TSPAN11: variants seen among roughly 807,000 people sequenced by gnomAD.
TSPAN11 encodes tetraspanin-11.
TSPAN11 carries 29 observed loss-of-function variants against 32.9 expected under a neutral mutation model. That is an observed-to-expected ratio of 0.88 (90% confidence interval 0.66 to 1.20). The LOEUF (loss-of-function observed/expected upper bound fraction) is 1.20. TSPAN11 is among the 50% of genes most tolerant of loss of function. TSPAN11 has a pLI of 0.00. For missense variants in TSPAN11, 283 were observed against 329.1 expected (o/e 0.86, Z 1.08); for synonymous variants, 140 against 141.3 (o/e 0.99, Z 0.07).
At chr12:30,978,459 G>C (rs569104165) in intron 3 of TSPAN11, 102 bp from the exon 4 acceptor site, 1 of 1,138,404 alleles carries the variant, frequency 8.8e-7, no homozygotes. Flanking sequence ...TGGATGATAG[G>C]GGTCCCAGCA....
At chr12:30,930,284 C>G (rs890003001) in intron 1 of TSPAN11, among the ~76,000 whole-genome samples, 5 of 152,130 alleles carry the variant, frequency 3.3e-5, no homozygotes, top group African/African-American at 1.2e-4. Context: ...CATTAAGGAC[C>G]CAGCCCCCGA....
At chr12:30,965,286 C>T (rs1021270580) in intron 3 of TSPAN11, among the ~76,000 whole-genome samples, 5 of 152,222 alleles carry the variant, frequency 3.3e-5, no homozygotes, top group African/African-American at 1.2e-4. Context: ...GGGCCTTCAG[C>T]CTAGCCTCAG....
chr12:30,985,250 GTTATACC>G (rs1419219877), intron 7 of TSPAN11, among the ~76,000 whole-genome samples: 1 of 152,064 alleles, frequency 6.6e-6, no homozygotes, highest in Non-Finnish European at 1.5e-5. Context: ...AATGGGGCTA[GTTATACC>G]TTATCTGCTT....
At chr12:31,010,250 A>T in the TSPAN11 span, among the ~76,000 whole-genome samples, 1 of 152,208 alleles carries the variant, frequency 6.6e-6, no homozygotes, top group African/African-American at 2.4e-5. Context: ...CCCGGGGTCA[A>T]ATTCTGATGC....
intron 3 of TSPAN11, among the ~76,000 whole-genome samples, chr12:30,966,692 A>G (rs148233819): frequency 3.6e-3 from 544 of 152,348 alleles, no homozygotes; most frequent in Admixed American, 5.1e-3. Context: ...GGATGTGTGC[A>G]GGGCACACCC....
the TSPAN11 span, among the ~76,000 whole-genome samples, chr12:31,013,859 G>A: frequency 1.3e-5 from 2 of 152,158 alleles, no homozygotes; most frequent in Non-Finnish European, 1.5e-5. Context: ...GGTACATGCA[G>A]CCACTCAGCA....
At chr12:31,000,772 G>A (rs142773004), downstream of TSPAN11, among the ~76,000 whole-genome samples, 109 of 152,310 alleles carry the variant, frequency 7.2e-4, 1 homozygote, top group Admixed American at 1.2e-3. Flanking sequence ...AAAAGAAGAC[G>A]TTTAATTACA....
At chr12:30,972,888 A>G (rs1270458450) in intron 3 of TSPAN11, among the ~76,000 whole-genome samples, 2 of 151,980 alleles carry the variant, frequency 1.3e-5, no homozygotes, top group Non-Finnish European at 2.9e-5. Context: ...GACTGAACAC[A>G]GGGCAGTGAC....
chr12:31,011,672 G>T, the TSPAN11 span, among the ~76,000 whole-genome samples: 1 of 151,970 alleles, frequency 6.6e-6, no homozygotes, highest in Non-Finnish European at 1.5e-5. Context: ...ATGGGCACAG[G>T]ACCCCTGTGC....
intron 2 of TSPAN11, among the ~76,000 whole-genome samples, chr12:30,962,127 A>G (rs954908380): frequency 8.6e-5 from 13 of 152,014 alleles, no homozygotes; most frequent in Admixed American, 5.2e-4. Context: ...AATTTTAGAG[A>G]TGTTAAAATG....
At chr12:30,957,176 C>T (rs1361426915) in intron 2 of TSPAN11, among the ~76,000 whole-genome samples, 2 of 150,852 alleles carry the variant, frequency 1.3e-5, no homozygotes, top group African/African-American at 4.9e-5. Flanking sequence ...TAAGAAAGAA[C>T]AGGTGATGGC....
intron 2 of TSPAN11, among the ~76,000 whole-genome samples, chr12:30,955,995 C>A (rs1220446878): frequency 6.6e-6 from 1 of 152,228 alleles, no homozygotes; most frequent in Non-Finnish European, 1.5e-5. Context: ...CAGGAACAGC[C>A]TCTGTTGACA....
chr12:30,974,164 C>G (rs75279018), intron 3 of TSPAN11, among the ~76,000 whole-genome samples: 1 of 152,204 alleles, frequency 6.6e-6, no homozygotes, highest in African/African-American at 2.4e-5. Context: ...TCCAGCTCTT[C>G]GGGAGCTAGG....
chr12:30,948,901 C>A (rs1938322937), intron 1 of TSPAN11, among the ~76,000 whole-genome samples: 1 of 152,166 alleles, frequency 6.6e-6, no homozygotes, highest in African/African-American at 2.4e-5. Flanking sequence ...AAACTGAATG[C>A]TTTTAATAGC....
intron 2 of TSPAN11, among the ~76,000 whole-genome samples, chr12:30,962,893 G>A (rs1388165750): frequency 2.0e-5 from 3 of 152,202 alleles, no homozygotes; most frequent in Admixed American, 2.0e-4. Flanking sequence ...CTGGCACCCT[G>A]AAGATGCTGT....
chr12:30,970,281 G>A (rs1283740345), intron 3 of TSPAN11, among the ~76,000 whole-genome samples: 1 of 152,156 alleles, frequency 6.6e-6, no homozygotes, highest in African/African-American at 2.4e-5. Flanking sequence ...TGCCCAGTCT[G>A]GGGGCTGCTC....
At chr12:30,990,937 A>C (rs1386664412) in intron 7 of TSPAN11, among the ~76,000 whole-genome samples, 1 of 152,204 alleles carries the variant, frequency 6.6e-6, no homozygotes, top group African/African-American at 2.4e-5. Context: ...TATCAGGATC[A>C]TAATCACATT....
chr12:31,014,923 C>A, the TSPAN11 span, among the ~76,000 whole-genome samples: 1 of 152,170 alleles, frequency 6.6e-6, no homozygotes, highest in East Asian at 1.9e-4. Context: ...AGTGGAAAGA[C>A]AATAAATAGT....
In TSPAN11 at chr12:30,979,554, T is replaced by G. The variant is rs2140303834; in HGVS notation, c.352-12T>G. 1 of 1,613,944 alleles carries G rather than the reference T, an allele frequency of 6.2e-7. No individual in the cohort carries two copies. The highest frequency in any genetic ancestry group is 1.1e-5 in the South Asian group (1 of 91,070). Reference sequence around the variant, plus strand: ...GTCCCGCTGATGGGGACTTCGCTCCTACCCTCCTCAGCTGAGTGATGAACT... The same window carrying G: ...GTCCCGCTGATGGGGACTTCGCTCCGACCCTCCTCAGCTGAGTGATGAACT... On this transcript the variant is annotated splice_polypyrimidine_tract_variant and intron_variant, in intron 4 of 7. Transcript: ENST00000546076.
Sources: allele counts gnomAD v4.1 joint callset (sites outside exome capture counted in the v4.1 genomes callset), GRCh38; gene constraint gnomAD v4.1.1; transcripts MANE v1.5; gene names NCBI Gene and HGNC (gene_info 2026-07-23, HGNC 2026-07-21).